XRN1: variants seen among roughly 807,000 people sequenced by gnomAD.
XRN1 encodes the protein strand-exchange protein 1 homolog.
XRN1 carries 67 observed loss-of-function variants against 222.3 expected under a neutral mutation model. The ratio of observed to expected loss-of-function variants is 0.30; its 90% CI spans 0.25 to 0.37. XRN1 has a LOEUF of 0.37. Among genes scored for constraint, XRN1 ranks in the 10% least tolerant of loss-of-function variants. The pLI is 1.00. For synonymous variants in XRN1, 643 were observed against 652.4 expected (o/e 0.99, Z 0.22); for missense variants, 1,707 against 2,000.2 (o/e 0.85, Z 2.80).
rs1489128259 is a variant in XRN1, at chr3:142,404,929, C to G, written c.1861G>C (p.Ala621Pro). The G allele has an allele frequency of 1.9e-6, 3 of 1,613,834 alleles. No homozygotes were observed. The highest frequency in any genetic ancestry group is 2.5e-6 in the Non-Finnish European group (3 of 1,179,910). ...YPSPWPEKFPAIERCCTRYKI... is the reference protein window; with the variant it reads ...YPSPWPEKFPPIERCCTRYKI... ...TACCTTGTACAACATCGTTCTATGG[C>G]AGGGAACTTTTCTGGCCATGGAGAA... The change falls in exon 16 of 41, where the codon GCC becomes CCC. Residue 621 changes from alanine to proline, a missense_variant. Physicochemically the swap from Ala to Pro is conservative, Grantham distance 27. Coordinates refer to ENST00000392981, the MANE Select transcript of XRN1 (RefSeq NM_001282857.2).
chr3:142,379,866 T>TG (rs143458074), intron 23 of XRN1, among the ~76,000 whole-genome samples: 10,808 of 152,244 alleles, frequency 0.071, 1,284 homozygotes, highest in African/African-American at 0.25. Flanking sequence ...TATGGATTAA[T>TG]AACGGGATTT....
chr3:142,327,475 T>C (rs2065551022), intron 37 of XRN1, among the ~76,000 whole-genome samples: 1 of 152,070 alleles, frequency 6.6e-6, no homozygotes, highest in Non-Finnish European at 1.5e-5. Flanking sequence ...TTTATTCATA[T>C]GGATATTCTC....
chr3:142,338,307 C>T (rs1215491733), intron 33 of XRN1, among the ~76,000 whole-genome samples: 6 of 152,152 alleles, frequency 3.9e-5, no homozygotes, highest in Non-Finnish European at 8.8e-5. Context: ...CATGAGACCC[C>T]ATTTCAGGCC....
intron 33 of XRN1, among the ~76,000 whole-genome samples, chr3:142,338,900 G>A (rs1030006648): frequency 1.3e-5 from 2 of 152,186 alleles, no homozygotes; most frequent in Non-Finnish European, 2.9e-5. Flanking sequence ...AAGGGTAGTG[G>A]CTCAAGGTTT....
At chr3:142,349,328 A>T (rs1163369126) in intron 32 of XRN1, among the ~76,000 whole-genome samples, 7 of 152,068 alleles carry the variant, frequency 4.6e-5, no homozygotes, top group Admixed American at 4.6e-4. Flanking sequence ...GGGGCTTTGG[A>T]CTACAGCAGT....
In XRN1 at chr3:142,418,803, C is replaced by T. The variant is rs1485873684; in HGVS notation, c.1240+12G>A. On this transcript the variant is annotated intron_variant, in intron 11 of 40. Coordinates refer to ENST00000392981, the MANE Select transcript of XRN1 (RefSeq NM_001282857.2). ...AAGTAGTAACATATCAAAACACATA[C>T]TTCATACTTACCCTTAGAAGTTATC... 1 of 1,613,222 alleles carries T rather than the reference C, an allele frequency of 6.2e-7. No homozygotes were observed. Among genetic ancestry groups the T allele is most frequent in the East Asian group, 2.2e-5 (1 of 44,808 alleles).
chr3:142,441,832 C>A (rs1206295420), intron 1 of XRN1, among the ~76,000 whole-genome samples: 2 of 152,196 alleles, frequency 1.3e-5, no homozygotes, highest in Admixed American at 1.3e-4. Flanking sequence ...TTGCTCAAAC[C>A]TAAGCCGCTC....
rs533348557 is a variant in XRN1 at position 142,310,907 on chromosome 3, T to A, written c.*604A>T. On this transcript the variant is annotated 3_prime_UTR_variant, in exon 41 of 41. Coordinates refer to ENST00000392981, the MANE Select transcript of XRN1 (RefSeq NM_001282857.2). ...AGTTGCTTTGGTACAAAATTTAGAA[T>A]AAAGCAAAACTGGCAGCACCACAAC... 6.5e-6 allele frequency: 1 copy of A among 152,718 alleles called. No homozygotes were observed. Among genetic ancestry groups the A allele is most frequent in the South Asian group, 2.1e-4 (1 of 4,832 alleles). The allele number at this position is 152,718 out of a possible 1,614,324, so 9.5% of individuals were successfully genotyped here. A position where few individuals can be genotyped will look rare whatever the true frequency, so the allele number is the denominator to read the frequency against.
chr3:142,311,945 C>A, intron 40 of XRN1, 132 bp from the exon 41 acceptor site: 1 of 910,938 alleles, frequency 1.1e-6, no homozygotes, highest in South Asian at 2.0e-5. Flanking sequence ...CTTATAATTG[C>A]CAAGTAAGAC....
chr3:142,424,796 C>T (rs1457526154), intron 5 of XRN1, among the ~76,000 whole-genome samples: 1 of 151,764 alleles, frequency 6.6e-6, no homozygotes, highest in South Asian at 2.1e-4. Flanking sequence ...GAAGGGTATA[C>T]GATGTTCATT....
intron 37 of XRN1, among the ~76,000 whole-genome samples, chr3:142,328,228 G>A (rs974148951): frequency 1.3e-5 from 2 of 152,040 alleles, no homozygotes; most frequent in Admixed American, 6.6e-5. Flanking sequence ...ACACTGTTAG[G>A]TTGTTTATTT....
chr3:142,446,606 G>A (rs918559521), intron 1 of XRN1, among the ~76,000 whole-genome samples: 2 of 152,036 alleles, frequency 1.3e-5, no homozygotes, highest in African/African-American at 2.4e-5. Flanking sequence ...AATAACAATC[G>A]CATTATTTTT....
chr3:142,391,306 TTAAAA>T (rs1269716525), intron 20 of XRN1, among the ~76,000 whole-genome samples: 2 of 152,218 alleles, frequency 1.3e-5, no homozygotes, highest in Non-Finnish European at 2.9e-5. Context: ...GATGCTTCTA[TTAAAA>T]TAAAATCCCC....
chr3:142,326,395 A>G (rs955929791), intron 37 of XRN1, among the ~76,000 whole-genome samples: 1 of 151,924 alleles, frequency 6.6e-6, no homozygotes, highest in African/African-American at 2.4e-5. Context: ...ATTAATTTCT[A>G]GGTATTTTAT....
intron 39 of XRN1, among the ~76,000 whole-genome samples, chr3:142,315,219 G>A (rs1169311999): frequency 6.6e-6 from 1 of 152,014 alleles, no homozygotes; most frequent in Non-Finnish European, 1.5e-5. Flanking sequence ...ACAGGTATGA[G>A]CCACCACACT....
intron 37 of XRN1, among the ~76,000 whole-genome samples, chr3:142,325,460 G>T (rs1195778173): frequency 6.6e-6 from 1 of 151,946 alleles, no homozygotes; most frequent in Non-Finnish European, 1.5e-5. Flanking sequence ...ACACATGGGG[G>T]TATACATGCA....
At chr3:142,313,055 TA>T in intron 39 of XRN1, 26 of 1,463,272 alleles carry the variant, frequency 1.8e-5, no homozygotes, top group South Asian at 2.5e-5. Flanking sequence ...ATTATATTTA[TA>T]AAAAAAATAA....
intron 37 of XRN1, among the ~76,000 whole-genome samples, chr3:142,320,915 T>A (rs1345853074): frequency 1.3e-5 from 2 of 152,108 alleles, no homozygotes; most frequent in Admixed American, 6.5e-5. Flanking sequence ...CCAAATCCAA[T>A]GTTGTGAAGC....
At chr3:142,437,806 A>G (rs145534993) in intron 1 of XRN1, among the ~76,000 whole-genome samples, 1 of 152,344 alleles carries the variant, frequency 6.6e-6, no homozygotes, top group African/African-American at 2.4e-5. Context: ...CTGACAAGGG[A>G]TTAATAATCA....
Sources: allele counts gnomAD v4.1 joint callset (sites outside exome capture counted in the v4.1 genomes callset), GRCh38; gene constraint gnomAD v4.1.1; transcripts MANE v1.5; gene names NCBI Gene and HGNC (gene_info 2026-07-23, HGNC 2026-07-21).